The following ITFG1 variants were observed in gnomAD, a reference collection of about 807,000 sequenced individuals.
ITFG1 encodes the protein integrin alpha FG-GAP repeat containing 1, also known as T-cell immunomodulatory protein.
Under a neutral mutation model 81.8 loss-of-function variants are expected in ITFG1, and 34 were observed. The observed-to-expected ratio is 0.42, with a 90% CI of 0.32 to 0.55. The LOEUF (loss-of-function observed/expected upper bound fraction) is 0.55. Ranked by LOEUF, ITFG1 falls within the 20% of genes least tolerant of loss-of-function variation. The probability of loss-of-function intolerance (pLI) is 0.17; values close to 1 mark genes in which losing one functional copy is unlikely to be tolerated. For synonymous variants in ITFG1, 285 were observed against 270.6 expected, an observed-to-expected ratio of 1.05 and a Z score of -0.52; for missense variants, 672 against 755.4, an observed-to-expected ratio of 0.89 and a Z score of 1.29.
intron 12 of ITFG1, among the ~76,000 whole-genome samples, chr16:47,241,089 A>T (rs1596828891): frequency 6.6e-6 from 1 of 152,282 alleles, no homozygotes; most frequent in East Asian, 1.9e-4. Context: ...AAAAACTCAC[A>T]ATGAGTTAAC....
At chr16:47,405,835 G>C (rs1427183285) in intron 6 of ITFG1, among the ~76,000 whole-genome samples, 1 of 151,730 alleles carries the variant, frequency 6.6e-6, no homozygotes, top group African/African-American at 2.4e-5. Context: ...TGACTTTTTG[G>C]GGGGATGAAT....
chr16:47,396,326 G>C, intron 6 of ITFG1: 1 of 162,286 alleles, frequency 6.2e-6, no homozygotes, highest in Non-Finnish European at 1.3e-5. Flanking sequence ...AGGGGGAGGG[G>C]AGGAGAAGAG....
intron 8 of ITFG1, among the ~76,000 whole-genome samples, chr16:47,347,130 C>T (rs909975049): frequency 3.3e-5 from 5 of 152,192 alleles, no homozygotes; most frequent in South Asian, 2.1e-4. Flanking sequence ...ACACAGAAGA[C>T]GGGTGATTTC....
At chr16:47,279,125 G>T (rs1966427498) in intron 10 of ITFG1, among the ~76,000 whole-genome samples, 1 of 151,896 alleles carries the variant, frequency 6.6e-6, no homozygotes, top group South Asian at 2.1e-4. Flanking sequence ...GTGAAGTAAA[G>T]GTCTGAATTT....
chr16:47,289,459 T>C (rs1225715670), intron 10 of ITFG1, among the ~76,000 whole-genome samples: 1 of 152,188 alleles, frequency 6.6e-6, no homozygotes. Flanking sequence ...TAGAATTCAG[T>C]ACTGAAGCTA....
At chr16:47,218,725 G>C (rs1461016428) in intron 14 of ITFG1, 143 bp downstream of exon 14, 1 of 416,092 alleles carries the variant, frequency 2.4e-6, no homozygotes, top group Non-Finnish European at 4.2e-6. Flanking sequence ...ATCTACCAAT[G>C]TAAGTCTATG....
At chr16:47,394,546 T>C (rs990205971) in intron 6 of ITFG1, among the ~76,000 whole-genome samples, 5 of 152,106 alleles carry the variant, frequency 3.3e-5, no homozygotes, top group African/African-American at 4.8e-5. Context: ...TACTGTGTCA[T>C]GTGGACTATG....
intron 14 of ITFG1, among the ~76,000 whole-genome samples, chr16:47,184,097 G>A (rs895514283): frequency 3.3e-5 from 5 of 152,130 alleles, no homozygotes; most frequent in African/African-American, 1.2e-4. Context: ...AAAAAGAAAT[G>A]AGCAAAGCCT....
intron 5 of ITFG1, chr16:47,448,499 G>A (rs1969348862): frequency 6.6e-6 from 1 of 151,996 alleles, no homozygotes; most frequent in Non-Finnish European, 1.5e-5. Context: ...GATGTAAACA[G>A]TGTACGGCAA....
chr16:47,211,899 A>C lies in ITFG1; in HGVS notation c.1453+6969T>G, dbSNP rs559488995. On this transcript the variant is annotated intron_variant, in intron 14 of 17. Transcript: ENST00000320640. Reference sequence around the variant, plus strand: ...TATAATTATTTCTATATAATGCTGTATGTGTTCTACTCACTAATTTTTTTT... The same window carrying C: ...TATAATTATTTCTATATAATGCTGTCTGTGTTCTACTCACTAATTTTTTTT... Among the ~76,000 whole-genome samples, 3 of 151,700 alleles carry C rather than the reference A, an allele frequency of 2.0e-5. No individual in the cohort carries two copies. In the South Asian group the frequency reaches 6.2e-4, roughly 32 times the overall value.
At chr16:47,314,243 T>C (rs1967316069) in intron 8 of ITFG1, among the ~76,000 whole-genome samples, 1 of 152,198 alleles carries the variant, frequency 6.6e-6, no homozygotes, top group Non-Finnish European at 1.5e-5. Context: ...CAGCCTGTAA[T>C]GTTAAAACCA....
At chr16:47,291,163 G>T (rs1449847412) in intron 10 of ITFG1, among the ~76,000 whole-genome samples, 1 of 151,472 alleles carries the variant, frequency 6.6e-6, no homozygotes, top group Non-Finnish European at 1.5e-5. Flanking sequence ...GTATTCTTTG[G>T]TTTTTACAGT....
intron 14 of ITFG1, among the ~76,000 whole-genome samples, chr16:47,187,588 T>C (rs1419249946): frequency 6.6e-6 from 1 of 152,064 alleles, no homozygotes; most frequent in Non-Finnish European, 1.5e-5. Flanking sequence ...GATCCCTTCC[T>C]TACACCTTAT....
At chr16:47,364,503 A>G (rs1219546164) in intron 8 of ITFG1, among the ~76,000 whole-genome samples, 1 of 152,188 alleles carries the variant, frequency 6.6e-6, no homozygotes, top group Non-Finnish European at 1.5e-5. Context: ...TATGTAGTAC[A>G]TATACACTTT....
chr16:47,270,840 A>G (rs917364671), intron 10 of ITFG1, among the ~76,000 whole-genome samples: 3 of 151,250 alleles, frequency 2.0e-5, no homozygotes, highest in African/African-American at 7.4e-5. Context: ...TTAATATAAA[A>G]TATTAGAAAA....
intron 10 of ITFG1, among the ~76,000 whole-genome samples, chr16:47,309,309 A>G (rs1967220928): frequency 6.6e-6 from 1 of 152,076 alleles, no homozygotes. Context: ...TGACCTCATG[A>G]TCCGCGTGCC....
intron 10 of ITFG1, among the ~76,000 whole-genome samples, chr16:47,297,123 T>C (rs1018429986): frequency 6.6e-6 from 1 of 152,186 alleles, no homozygotes; most frequent in South Asian, 2.1e-4. Flanking sequence ...TGTATATATA[T>C]TAGGATTGTT....
chr16:47,377,573 CATT>C (rs1968343119), intron 6 of ITFG1, among the ~76,000 whole-genome samples: 2 of 152,148 alleles, frequency 1.3e-5, no homozygotes, highest in Non-Finnish European at 2.9e-5. Flanking sequence ...CTGTACATGT[CATT>C]CCTTGTCTCT....
At chr16:47,162,258 A>G (rs1328355290) in intron 15 of ITFG1, among the ~76,000 whole-genome samples, 1 of 152,012 alleles carries the variant, frequency 6.6e-6, no homozygotes, top group African/African-American at 2.4e-5. Flanking sequence ...TGTACACGTT[A>G]GGTGGTGAAA....
Sources: gnomAD v4.1 joint callset for allele counts (sites outside exome capture counted in the v4.1 genomes callset) on GRCh38, gnomAD v4.1.1 for gene constraint, MANE v1.5 for transcripts, NCBI Gene and HGNC (gene_info 2026-07-23, HGNC 2026-07-21) for gene names.